The following FHAD1 variants were observed in gnomAD, a reference collection of about 807,000 sequenced individuals.
FHAD1 encodes the protein forkhead associated phosphopeptide binding domain 1.
In FHAD1, 146 loss-of-function variants were observed where a neutral mutation model predicts 191.3. That is an observed-to-expected ratio of 0.76 (90% CI 0.67 to 0.88). The LOEUF is 0.88. Among genes scored for constraint, FHAD1 ranks in the 40% least tolerant of loss-of-function variants. The pLI, the probability that FHAD1 is intolerant of heterozygous loss-of-function variation, is 0.00. For synonymous variants in FHAD1, 616 were observed against 672.3 expected (o/e 0.92, Z 1.29); for missense variants, 1,635 against 1,785.8 (o/e 0.92, Z 1.52).
At chr1:15,296,893 C>A in intron 5 of FHAD1, 100 bp downstream of exon 5, 1 of 921,498 alleles carries the variant, frequency 1.1e-6, no homozygotes, top group Non-Finnish European at 1.6e-6. Flanking sequence ...TGCCCTTATC[C>A]TGCTTCCAAG....
intron 11 of FHAD1, 44 bp downstream of exon 11, chr1:15,324,603 A>T (rs539670241): frequency 7.2e-7 from 1 of 1,383,278 alleles, no homozygotes; most frequent in Admixed American, 2.0e-5. Context: ...ACGCTCTCCA[A>T]TGATTGCACC....
intron 32 of FHAD1, among the ~76,000 whole-genome samples, chr1:15,389,387 G>T (rs142746161): frequency 7.2e-5 from 10 of 138,796 alleles, no homozygotes; most frequent in African/African-American, 2.5e-4. Context: ...TCAAGGTTGC[G>T]ATGAGCCACA....
chr1:15,313,149 A>G lies in FHAD1; in HGVS notation c.1132A>G (p.Lys378Glu), dbSNP rs1672799485. The change falls in exon 8 of 34, where the codon AAG becomes GAG. Residue 378 changes from lysine (K) to glutamate (E), a missense_variant. By Grantham distance (56) the Lys-to-Glu change is moderately conservative. Coordinates refer to ENST00000688493, the MANE Select transcript of FHAD1 (RefSeq NM_001391957.1). The part of the protein sequence containing the change: ...EEVSHLKSQN[K>E]DKDHQLEALG... ...GGTCAGTCACCTAAAAAGTCAGAAC[A>G]AGGACAAGGACCACCAGCTGGAAGC... is the stretch of plus-strand genomic sequence containing the variant. 18 of 1,551,864 alleles carry G rather than the reference A, an allele frequency of 1.2e-5. No homozygotes were observed. Among genetic ancestry groups the G allele is most frequent in the Non-Finnish European group, 1.6e-5 (18 of 1,147,058 alleles).
chr1:15,367,382 C>T lies in FHAD1; in HGVS notation c.3155-81C>T, dbSNP rs138439768. 2.4e-3 allele frequency: 3,481 copies of T among 1,461,384 alleles called. 62 individuals are homozygous for T. In the African/African-American group the frequency reaches 0.041, roughly 17 times the overall value. The allele number at this position is 1,461,384 out of a possible 1,614,324, so 90.5% of individuals were successfully genotyped here. On this transcript the variant is annotated intron_variant, in intron 24 of 33. Transcript: ENST00000688493. ...GTGGTGGCGCATGCCCGTAATCCCA[C>T]GTACACAAGAGGCTGAGGCAGGAGA...
rs1458688656 is a variant in FHAD1, at chr1:15,329,747, A to G, written c.1906+206A>G. The G allele has an allele frequency of 2.0e-6, 1 of 508,954 alleles. No homozygotes were observed. The highest frequency in any genetic ancestry group is 3.5e-6 in the Non-Finnish European group (1 of 284,226). 31.5% of individuals were successfully genotyped at this position (508,954 alleles called of 1,614,324 possible). On this transcript the variant is annotated intron_variant, in intron 14 of 33. Transcript: ENST00000688493. The surrounding 1 kb of genome is among the most constrained non-coding windows in gnomAD (Gnocchi z 5.0). Reference sequence around the variant, plus strand: ...CATACAAGTGAGACACGATAACTGAAGAAAAATGAAACAAAACAGAGGCAA... The same window carrying G: ...CATACAAGTGAGACACGATAACTGAGGAAAAATGAAACAAAACAGAGGCAA...
chr1:15,286,238 C>G (rs1662360631), intron 3 of FHAD1, among the ~76,000 whole-genome samples: 1 of 152,218 alleles, frequency 6.6e-6, no homozygotes, highest in Non-Finnish European at 1.5e-5. Context: ...TGTTGGGGCT[C>G]ATGCCTGTAA....
chr1:15,384,045 CTGTG>C (rs1435732378), intron 31 of FHAD1: 1 of 225,002 alleles, frequency 4.4e-6, no homozygotes, highest in East Asian at 1.4e-4. Flanking sequence ...GAGGGTTTGG[CTGTG>C]TGTGACACTA....
chr1:15,363,103 T>C lies in FHAD1; in HGVS notation c.3047+377T>C, dbSNP rs1207247628. ...AAAAGAGATTCATTTCTTACAGTTA[T>C]GGAGACTGAGAAGTCCCAGGTTGAG... On this transcript the variant is annotated intron_variant, in intron 23 of 33. Coordinates refer to ENST00000688493, the MANE Select transcript of FHAD1 (RefSeq NM_001391957.1). 2.6e-5 allele frequency among the ~76,000 whole-genome samples: 4 copies of C among 152,226 alleles called. No individual in the cohort carries two copies. The South Asian group carries it at 8.3e-4, about 32-fold the overall frequency.
intron 3 of FHAD1, among the ~76,000 whole-genome samples, chr1:15,274,892 A>G (rs1657650042): frequency 6.6e-6 from 1 of 152,214 alleles, no homozygotes; most frequent in Admixed American, 6.5e-5. Context: ...TGCAGGTAAC[A>G]ATTGGGAGAA....
In FHAD1 at chr1:15,316,355, C is replaced by T. The variant is rs900063876; in HGVS notation, c.1171-23C>T. The T allele has an allele frequency of 2.7e-5, 42 of 1,549,248 alleles. 1 individual carries two copies. In the Admixed American group the frequency reaches 5.9e-4, roughly 22 times the overall value. On this transcript the variant is annotated intron_variant, in intron 8 of 33. Coordinates refer to ENST00000688493, the MANE Select transcript of FHAD1 (RefSeq NM_001391957.1). This position sits in a 1 kb window ranked among gnomAD's most constrained non-coding sequence, Gnocchi z 4.3. ...CTACCTGGCCAACGTTGGCCTCTTT[C>T]TGTGTTGCCCTTTTCTCCACAGTGC...
At chr1:15,358,398 G>A in intron 21 of FHAD1, 115 bp downstream of exon 21, 1 of 1,008,588 alleles carries the variant, frequency 9.9e-7, no homozygotes, top group Middle Eastern at 2.3e-4. Context: ...CTGATGTTCT[G>A]GGCCAAGTAG....
At chr1:15,239,102 C>G (rs1327328895) in intron 1 of FHAD1, among the ~76,000 whole-genome samples, 1 of 152,176 alleles carries the variant, frequency 6.6e-6, no homozygotes, top group Non-Finnish European at 1.5e-5. Flanking sequence ...AAAGCAAGGT[C>G]TGTCTATGTT....
At chr1:15,314,871 G>A (rs1574263923) in intron 8 of FHAD1, among the ~76,000 whole-genome samples, 1 of 134,652 alleles carries the variant, frequency 7.4e-6, no homozygotes, top group Admixed American at 7.5e-5. Context: ...TGTGGGTGTG[G>A]TGTGGTATGG....
intron 7 of FHAD1, among the ~76,000 whole-genome samples, chr1:15,309,249 C>A (rs1671489024): frequency 6.6e-6 from 1 of 152,232 alleles, no homozygotes; most frequent in Non-Finnish European, 1.5e-5. Context: ...ACTCATGGCC[C>A]ACCCTTGCCA....
chr1:15,366,531 A>G (rs1247546638), intron 24 of FHAD1, among the ~76,000 whole-genome samples: 2 of 152,176 alleles, frequency 1.3e-5, no homozygotes, highest in African/African-American at 4.8e-5. Flanking sequence ...TTTAGCACAG[A>G]TTTGCTTCTG....
chr1:15,319,241 T>G (rs1370715327), intron 10 of FHAD1, among the ~76,000 whole-genome samples: 1 of 152,198 alleles, frequency 6.6e-6, no homozygotes, highest in Non-Finnish European at 1.5e-5. Context: ...TTTCTCCAAT[T>G]TTATTTAATA....
At chr1:15,267,202 G>A (rs1375729110) in intron 2 of FHAD1, among the ~76,000 whole-genome samples, 1 of 152,088 alleles carries the variant, frequency 6.6e-6, no homozygotes, top group South Asian at 2.1e-4. Flanking sequence ...ACAAATAAAA[G>A]AATATATCTC....
In FHAD1 at chr1:15,327,143, G is replaced by A; in HGVS notation, c.1557+1G>A. On this transcript the variant is annotated splice_donor_variant, in intron 12 of 33. Coordinates refer to ENST00000688493, the MANE Select transcript of FHAD1 (RefSeq NM_001391957.1). LOFTEE classifies it high-confidence loss of function. This position sits in a 1 kb window ranked among gnomAD's most constrained non-coding sequence, Gnocchi z 5.1. ...GGACAAGCCCGTCACCGACCAACAG[G>A]TTAGTCTGCCGTCCCTGCCACGTGG... 3.2e-6 allele frequency: 5 copies of A among 1,549,688 alleles called. No homozygotes were observed. The highest frequency in any genetic ancestry group is 1.4e-5 in the African/African-American group (1 of 73,132).
At chr1:15,383,672 G>A in intron 31 of FHAD1, 1 of 301,406 alleles carries the variant, frequency 3.3e-6, no homozygotes, top group Non-Finnish European at 6.6e-6. Flanking sequence ...GGCAAGTCAG[G>A]GAAAGAACCA....
Sources: allele counts gnomAD v4.1 joint callset (sites outside exome capture counted in the v4.1 genomes callset), GRCh38; gene constraint gnomAD v4.1.1; non-coding constraint Gnocchi (gnomAD v3.1); transcripts MANE v1.5; gene names NCBI Gene and HGNC (gene_info 2026-07-23, HGNC 2026-07-21).